ABCA2: variants seen among roughly 807,000 people sequenced by gnomAD.
The protein encoded by ABCA2 is ATP-binding cassette sub-family A member 2.
Under a neutral mutation model 262.8 loss-of-function variants are expected in ABCA2, and 84 were observed. That is an observed-to-expected ratio of 0.32 (90% CI 0.27 to 0.38). ABCA2 has a LOEUF of 0.38. Ranked by LOEUF, ABCA2 falls within the 10% of genes least tolerant of loss-of-function variation. The probability of loss-of-function intolerance (pLI) is 1.00; values close to 1 mark genes in which losing one functional copy is unlikely to be tolerated. For synonymous variants in ABCA2, 1,696 were observed against 1,502.9 expected, an observed-to-expected ratio of 1.13 and a Z score of -2.97; for missense variants, 2,662 against 3,405.9, an observed-to-expected ratio of 0.78 and a Z score of 5.44.
Position 137,015,602 on chromosome 9 carries a change from A to T in ABCA2, c.3515-6T>A, listed in dbSNP as rs762070884. 3 of 1,612,076 alleles carry T rather than the reference A, an allele frequency of 1.9e-6. No homozygotes were observed. In the Admixed American group the frequency reaches 5.0e-5, roughly 27 times the overall value. On this transcript the variant is annotated splice_region_variant and splice_polypyrimidine_tract_variant and intron_variant, in intron 23 of 48. Transcript: ENST00000341511. ...GGACAGAAGGATGGTGCGGCCTAGGACAAGGCCAGACCCAGGGTCAGGGGG... is the reference window on the plus strand; with the variant it reads ...GGACAGAAGGATGGTGCGGCCTAGGTCAAGGCCAGACCCAGGGTCAGGGGG...
rs55971316 is a variant in ABCA2, at chr9:137,008,510, C to G, written c.7181G>C (p.Arg2394Pro). The G allele has an allele frequency of 6.3e-7, 1 of 1,586,102 alleles. No homozygotes were observed. Among genetic ancestry groups the G allele is most frequent in the South Asian group, 1.1e-5 (1 of 87,300 alleles). The part of the protein sequence containing the change: ...LGCLLSLLRP[R>P]SAPTELRALV... ...TGCCCGGAGCTCCGTGGGGGCAGACCGGGGCCGGAGCAGGCTGAGCAAGCA... is the reference window on the plus strand; with the variant it reads ...TGCCCGGAGCTCCGTGGGGGCAGACGGGGGCCGGAGCAGGCTGAGCAAGCA... The change falls in exon 48 of 49, where the codon CGG becomes CCG. Residue 2394 changes from arginine to proline, a missense_variant. Physicochemically the swap from Arg to Pro is moderately radical, Grantham distance 103. Transcript: ENST00000341511.
Position 137,008,879 on chromosome 9 carries a change from G to T in ABCA2, c.6931-11C>A. On this transcript the variant is annotated splice_polypyrimidine_tract_variant and intron_variant, in intron 46 of 48. Coordinates refer to ENST00000341511, the MANE Select transcript of ABCA2 (RefSeq NM_001606.5). ...TGTGTGGTGCCGCTCCTGCAGGGGG[G>T]GAGGTCAGAGGCCTGGCAGCGCCCC... 1 of 1,603,440 alleles carries T rather than the reference G, an allele frequency of 6.2e-7. No individual in the cohort carries two copies. The highest frequency in any genetic ancestry group is 2.2e-5 in the East Asian group (1 of 44,798).
rs1588519412 is a variant in ABCA2 at position 137,017,835 on chromosome 9, G to A, written c.2163C>T (p.Ala721=). The change falls in exon 16 of 49, where the codon GCC becomes GCT. Residue 721 remains alanine, a synonymous_variant. Transcript: ENST00000341511. ...CCGCCACGATGTGCTGGATGGTCAT[G>A]GCCACGGAGTAGACCCAGGAGATCA... ...CMVISWVYSV[A]MTIQHIVAEK... The A allele has an allele frequency of 2.5e-6, 4 of 1,612,600 alleles. No individual in the cohort carries two copies. Among genetic ancestry groups the A allele is most frequent in the African/African-American group, 2.7e-5 (2 of 75,058 alleles).
intron 27 of ABCA2, 53 bp from the exon 28 acceptor site, chr9:137,014,091 C>A (rs1831166742): frequency 6.3e-7 from 1 of 1,595,122 alleles, no homozygotes; most frequent in East Asian, 2.3e-5. Flanking sequence ...CCTCTCCCTA[C>A]TGGCTGCCCT....
chr9:137,017,478 C>A, intron 17 of ABCA2, 24 bp downstream of exon 17: 1 of 1,599,920 alleles, frequency 6.3e-7, no homozygotes, highest in Non-Finnish European at 8.5e-7. Flanking sequence ...GCCCCAGGTC[C>A]CTCCTACCAT....
At chr9:137,024,792 G>A (rs1831594062) in intron 1 of ABCA2, among the ~76,000 whole-genome samples, 1 of 151,356 alleles carries the variant, frequency 6.6e-6, no homozygotes. Context: ...CTGAAGCAAA[G>A]GCACCTTTTT....
rs963322099 is a variant in ABCA2 at position 137,021,193 on chromosome 9, G to A, written c.898-132C>T. Reference sequence around the variant, plus strand: ...GTGCTGGGAGGGAGTCTGCAGCCTGGGTAACGGGAGCCCAGGACAGGAGCT... The same window carrying A: ...GTGCTGGGAGGGAGTCTGCAGCCTGAGTAACGGGAGCCCAGGACAGGAGCT... On this transcript the variant is annotated intron_variant, in intron 8 of 48. Coordinates refer to ENST00000341511, the MANE Select transcript of ABCA2 (RefSeq NM_001606.5). This position sits in a 1 kb window ranked among gnomAD's most constrained non-coding sequence, Gnocchi z 6.0. The A allele has an allele frequency of 2.2e-6, 3 of 1,364,994 alleles. No individual in the cohort carries two copies. In the African/African-American group the frequency reaches 4.4e-5, roughly 20 times the overall value. The allele number at this position is 1,364,994 out of a possible 1,614,324, so 84.6% of individuals were successfully genotyped here. A position where few individuals can be genotyped will look rare whatever the true frequency, so the allele number is the denominator to read the frequency against.
In ABCA2 at chr9:137,021,691, C is replaced by T. The variant is rs1588525524; in HGVS notation, c.679-81G>A. On this transcript the variant is annotated intron_variant, in intron 7 of 48. Transcript: ENST00000341511. This position sits in a 1 kb window ranked among gnomAD's most constrained non-coding sequence, Gnocchi z 6.0. ...TAGGGCCTCAGGCCTCACCCTGCCCCACCCACTGGCTGGCTCTGGGGCTGC... is the reference window on the plus strand; with the variant it reads ...TAGGGCCTCAGGCCTCACCCTGCCCTACCCACTGGCTGGCTCTGGGGCTGC... The T allele has an allele frequency of 1.5e-5, 22 of 1,438,734 alleles. No homozygotes were observed. The East Asian group carries it at 5.5e-4, about 36-fold the overall frequency. 89.1% of individuals were successfully genotyped at this position (1,438,734 alleles called of 1,614,324 possible).
rs1588508661 is a variant in ABCA2 at position 137,011,245 on chromosome 9, C to A, written c.5864G>T (p.Gly1955Val). 1 of 1,612,556 alleles carries A rather than the reference C, an allele frequency of 6.2e-7. No homozygotes were observed. The highest frequency in any genetic ancestry group is 1.7e-4 in the Middle Eastern group (1 of 6,060). ...CFLIFPNYNL[G>V]HGLMEMAYNE... is the part of the protein sequence containing the mutation. ...GTAGGCCATCTCCATGAGCCCGTGG[C>A]CCAGGTTGTAGTTGGGGAAAATGAG... is the stretch of plus-strand genomic sequence containing the variant. Residue 1955 changes from glycine (G) to valine (V), a missense_variant, in exon 38 of 49, where the codon GGC becomes GTC. Gly to Val is a moderately radical substitution (Grantham distance 109, BLOSUM62 -3). Transcript: ENST00000341511. The surrounding 1 kb of genome is among the most constrained non-coding windows in gnomAD (Gnocchi z 8.8).
chr9:137,022,567 C>A, intron 5 of ABCA2, 89 bp from the exon 6 acceptor site: 1 of 1,565,856 alleles, frequency 6.4e-7, no homozygotes. Flanking sequence ...AACACCACAG[C>A]TCTGCCACTG....
intron 39 of ABCA2, 93 bp from the exon 40 acceptor site, chr9:137,010,830 G>T: frequency 6.8e-7 from 1 of 1,468,056 alleles, no homozygotes; most frequent in Non-Finnish European, 9.4e-7. Context: ...TGGCATGTAA[G>T]AAGGGTGGGC....
In ABCA2 at chr9:137,013,996, C is replaced by T. The variant is rs200759130; in HGVS notation, c.4283G>A (p.Arg1428His). The part of the protein sequence containing the change: ...EALSRVGQGS[R>H]KLDGGWLKVR... Reference sequence around the variant, plus strand: ...CTTCAGCCACCCGCCGTCCAGCTTGCGGCTGCCCTGGCCGACCCTCGACAG... The same window carrying T: ...CTTCAGCCACCCGCCGTCCAGCTTGTGGCTGCCCTGGCCGACCCTCGACAG... Residue 1428 changes from arginine to histidine, a missense_variant, in exon 28 of 49, where the codon CGC becomes CAC. Arg to His is a conservative substitution (Grantham distance 29, BLOSUM62 0). Coordinates refer to ENST00000341511, the MANE Select transcript of ABCA2 (RefSeq NM_001606.5). 196 of 1,612,022 alleles carry T rather than the reference C, an allele frequency of 1.2e-4. No homozygotes were observed. The highest frequency in any genetic ancestry group is 1.6e-4 in the Non-Finnish European group (183 of 1,179,876).
In ABCA2 at chr9:137,018,360, G is replaced by A. The variant is rs764023370; in HGVS notation, c.1820-9C>T. On this transcript the variant is annotated splice_polypyrimidine_tract_variant and intron_variant, in intron 13 of 48. Coordinates refer to ENST00000341511, the MANE Select transcript of ABCA2 (RefSeq NM_001606.5). ...GGTCTGGAAGATCACACCTGGGGCCGGGAGGTTGGGGCGGGGCCAAGATGC... is the reference window on the plus strand; with the variant it reads ...GGTCTGGAAGATCACACCTGGGGCCAGGAGGTTGGGGCGGGGCCAAGATGC... 7 of 1,589,132 alleles carry A rather than the reference G, an allele frequency of 4.4e-6. No individual in the cohort carries two copies. Among genetic ancestry groups the A allele is most frequent in the African/African-American group, 2.9e-5 (2 of 68,670 alleles).
chr9:137,018,103 C>G (rs746633388), intron 14 of ABCA2, 28 bp from the exon 15 acceptor site: 10 of 1,610,178 alleles, frequency 6.2e-6, no homozygotes, highest in Non-Finnish European at 8.5e-6. Flanking sequence ...CATCAGGTGC[C>G]GGGCAGGCCC....
Position 137,015,564 on chromosome 9 carries a change from C to T in ABCA2, c.3547G>A (p.Asp1183Asn), listed in dbSNP as rs566764007. 1 of 1,612,538 alleles carries T rather than the reference C, an allele frequency of 6.2e-7. No homozygotes were observed. Among genetic ancestry groups the T allele is most frequent in the African/African-American group, 1.3e-5 (1 of 75,036 alleles). ...CGGTCCCCAAGCAGGTCAGCCTCAT[C>T]CATGTGGTGGGTGGACAGAAGGATG... ...RTILLSTHHM[D>N]EADLLGDRIA... The change falls in exon 24 of 49, where the codon GAT becomes AAT. Residue 1183 changes from aspartate (D) to asparagine (N), a missense_variant. This residue lies in a region of ABCA2 where 180 missense variants were observed against 307.3 expected (regional missense o/e 0.59). Coordinates refer to ENST00000341511, the MANE Select transcript of ABCA2 (RefSeq NM_001606.5).
rs1321723093 is a variant in ABCA2 at position 137,023,158 on chromosome 9, AAGTC to A, written c.164-110_164-107del. 110 of 898,304 alleles carry A rather than the reference AAGTC, an allele frequency of 1.2e-4. 1 individual carries two copies. In the East Asian group the frequency reaches 2.4e-3, roughly 20 times the overall value. The allele number at this position is 898,304 out of a possible 1,614,324, so 55.6% of individuals were successfully genotyped here. A position where few individuals can be genotyped will look rare whatever the true frequency, so the allele number is the denominator to read the frequency against. On this transcript the variant is annotated intron_variant, in intron 3 of 48. Coordinates refer to ENST00000341511, the MANE Select transcript of ABCA2 (RefSeq NM_001606.5). ...GAGGCCGAGAGGAGAAATTTAGAGA[AAGTC>A]AGGAAGGAGAAGCAGCGTTAGGGAG...
At chr9:137,026,805 C>T (rs937462369) in intron 1 of ABCA2, among the ~76,000 whole-genome samples, 1 of 152,226 alleles carries the variant, frequency 6.6e-6, no homozygotes, top group Admixed American at 6.5e-5. Flanking sequence ...TAATGCATGC[C>T]ACATGCCACA....
In ABCA2 at chr9:137,019,306, C is replaced by T; in HGVS notation, c.1426G>A (p.Ala476Thr). ...GSEVDRVILK[A>T]NETFAFVGNV... ...CCCACAAAAGCAAAAGTCTCGTTGG[C>T]CTGCAGGGGGTGAGGCAGGGGCATG... Residue 476 changes from alanine (A) to threonine (T), a missense_variant and splice_region_variant, in exon 11 of 49, where the codon GCC becomes ACC. Physicochemically the swap from Ala to Thr is moderately conservative, Grantham distance 58. Coordinates refer to ENST00000341511, the MANE Select transcript of ABCA2 (RefSeq NM_001606.5). This position sits in a 1 kb window ranked among gnomAD's most constrained non-coding sequence, Gnocchi z 4.4. The T allele has an allele frequency of 1.9e-6, 3 of 1,612,272 alleles. No homozygotes were observed. The highest frequency in any genetic ancestry group is 2.5e-6 in the Non-Finnish European group (3 of 1,179,696).
At position 137,024,924 on chromosome 9, in the gene ABCA2, G is replaced by C. The variant is rs191307197; in HGVS notation, c.67-688C>G. 2.6e-5 allele frequency among the ~76,000 whole-genome samples: 4 copies of C among 151,634 alleles called. No individual in the cohort carries two copies. In the East Asian group the frequency reaches 7.8e-4, roughly 29 times the overall value. On this transcript the variant is annotated intron_variant, in intron 1 of 48. Transcript: ENST00000341511. The stretch of plus-strand genomic sequence containing the variant: ...CACCATTCTCTTGCCTCAGCCTCTC[G>C]AGTAGCTGGGACTACAGGCGCCCGC...
Sources: gnomAD v4.1 joint callset for allele counts (sites outside exome capture counted in the v4.1 genomes callset) on GRCh38, gnomAD v4.1.1 for gene constraint, gnomAD v4.1.1 regional missense constraint, Gnocchi (gnomAD v3.1) non-coding constraint, MANE v1.5 for transcripts, NCBI Gene and HGNC (gene_info 2026-07-23, HGNC 2026-07-21) for gene names.